Variants in ATP11C observed in about 807,000 individuals in gnomAD.
The protein encoded by ATP11C is ATPase phospholipid transporting 11C (ATP11C blood group).
A neutral mutation model predicts 97.4 loss-of-function variants in ATP11C; 36 were observed. That is an observed-to-expected ratio of 0.37 (90% confidence interval 0.28 to 0.49). The LOEUF (loss-of-function observed/expected upper bound fraction) is 0.49, where lower values mean the gene tolerates loss of function less well. Among genes scored for constraint, ATP11C ranks in the 20% least tolerant of loss-of-function variants. ATP11C has a pLI of 0.98. For missense variants in ATP11C, 730 were observed against 824.6 expected, an observed-to-expected ratio of 0.89 and a Z score of 1.40; for synonymous variants, 275 against 290.9, an observed-to-expected ratio of 0.95 and a Z score of 0.56.
At chrX:139,873,706 C>CAAAAAAA (rs58064711) in intron 1 of ATP11C, among the ~76,000 whole-genome samples, 1 of 17,304 alleles carries the variant, frequency 5.8e-5, no homozygotes, top group African/African-American at 1.6e-4. Flanking sequence ...GACTCCAACT[C>CAAAAAAA]AAAAAAAAAA....
At chrX:139,887,405 G>A (rs1569486026) in intron 1 of ATP11C, among the ~76,000 whole-genome samples, 1 of 111,492 alleles carries the variant, frequency 9.0e-6, no homozygotes, top group Non-Finnish European at 1.9e-5. Flanking sequence ...CAAGGTGGGA[G>A]GATCTCTTCA....
chrX:139,875,782 G>C (rs12013150), intron 1 of ATP11C, among the ~76,000 whole-genome samples: 5 of 111,599 alleles, frequency 4.5e-5, no homozygotes, highest in African/African-American at 1.6e-4. Flanking sequence ...AAAATTGTTA[G>C]AGGAACCTGC....
chrX:139,866,318 T>C (rs1603405634), intron 1 of ATP11C, among the ~76,000 whole-genome samples: 1 of 79,953 alleles, frequency 1.3e-5, no homozygotes, highest in African/African-American at 5.0e-5. Context: ...TACTCCAGCC[T>C]GGGTGACAGA....
intron 1 of ATP11C, among the ~76,000 whole-genome samples, chrX:139,890,297 G>A (rs140018910): frequency 0.016 from 1,785 of 111,032 alleles, 31 homozygotes; most frequent in African/African-American, 0.054. Flanking sequence ...TTGGGAGGCC[G>A]AGGCAGGAGG....
chrX:139,783,128 GCTTA>G (rs1272865283), intron 17 of ATP11C, 32 bp downstream of exon 17: 1 of 928,624 alleles, frequency 1.1e-6, no homozygotes, highest in Admixed American at 2.5e-5. Context: ...ACATTTCTCT[GCTTA>G]CTTATTGGTG....
At chrX:139,935,984 A>G (rs181350769), upstream of ATP11C, among the ~76,000 whole-genome samples, 2 of 108,695 alleles carry the variant, frequency 1.8e-5, no homozygotes, top group Non-Finnish European at 3.8e-5. Context: ...CAACAGAGCG[A>G]GACTCCGTCT....
intron 20 of ATP11C, among the ~76,000 whole-genome samples, chrX:139,765,299 G>A (rs1002907039): frequency 7.2e-5 from 8 of 111,840 alleles, no homozygotes; most frequent in African/African-American, 1.9e-4. Flanking sequence ...ATACAGGAAT[G>A]TGCTAAGAGC....
chrX:139,904,598 C>T (rs2084946675), intron 1 of ATP11C, among the ~76,000 whole-genome samples: 1 of 111,471 alleles, frequency 9.0e-6, no homozygotes, highest in African/African-American at 3.3e-5. Flanking sequence ...TAACTAGTCT[C>T]GTAATTCATT....
chrX:139,750,207 A>T, intron 23 of ATP11C, 55 bp from the exon 24 acceptor site: 2 of 1,077,271 alleles, frequency 1.9e-6, no homozygotes, highest in Non-Finnish European at 2.5e-6. Flanking sequence ...AATCATCTAC[A>T]AGATGATACT....
At chrX:139,896,592 C>T (rs867769422) in intron 1 of ATP11C, among the ~76,000 whole-genome samples, 1 of 94,068 alleles carries the variant, frequency 1.1e-5, no homozygotes, top group African/African-American at 4.1e-5. Flanking sequence ...CACACACACA[C>T]ACTTTTTTTC....
At chrX:139,853,190 C>T (rs190536359) in intron 1 of ATP11C, among the ~76,000 whole-genome samples, 1 of 111,526 alleles carries the variant, frequency 9.0e-6, no homozygotes, top group African/African-American at 3.3e-5. Flanking sequence ...GCTCCACTCC[C>T]GCCAGTCCCT....
At chrX:139,934,229 A>G (rs992212822), upstream of ATP11C, among the ~76,000 whole-genome samples, 2 of 111,687 alleles carry the variant, frequency 1.8e-5, no homozygotes, top group Non-Finnish European at 3.8e-5. Context: ...CTTCAAAAAC[A>G]TGTTACGAAG....
At chrX:139,884,610 A>G (rs2084611616) in intron 1 of ATP11C, among the ~76,000 whole-genome samples, 1 of 112,214 alleles carries the variant, frequency 8.9e-6, no homozygotes, top group African/African-American at 3.2e-5. Context: ...AGCGTGAGTC[A>G]CTGCACCCAG....
chrX:139,862,556 T>C (rs2084218558), intron 1 of ATP11C, among the ~76,000 whole-genome samples: 1 of 112,178 alleles, frequency 8.9e-6, no homozygotes, highest in Non-Finnish European at 1.9e-5. Context: ...GGAAGTCTTC[T>C]GTGTTGATTG....
chrX:139,926,719 C>T (rs1474362252), intron 1 of ATP11C, among the ~76,000 whole-genome samples: 2 of 112,421 alleles, frequency 1.8e-5, no homozygotes, highest in East Asian at 5.6e-4. Context: ...TAAGCATAAA[C>T]AAAAGGAACA....
chrX:139,757,678 G>T, intron 23 of ATP11C, 130 bp downstream of exon 23: 1 of 382,783 alleles, frequency 2.6e-6, no homozygotes, highest in Non-Finnish European at 4.4e-6. Flanking sequence ...ATAAACATTT[G>T]CTGTTGTCAA....
chrX:139,809,178 C>T (rs1195333184), intron 5 of ATP11C, among the ~76,000 whole-genome samples: 3 of 109,325 alleles, frequency 2.7e-5, no homozygotes, highest in Admixed American at 9.7e-5. Flanking sequence ...AAGTTATATA[C>T]TCAAAAGAAT....
In ATP11C at chrX:139,726,658, G is replaced by C. The variant is rs948050019; in HGVS notation, c.*2308C>G. ...ACTGTTGCTGGTGTATGTGTAAGTA[G>C]ATATGGAATGAATGTTTTCAGTTTA... On this transcript the variant is annotated 3_prime_UTR_variant, in exon 30 of 30. Coordinates refer to ENST00000682941, the MANE Select transcript of ATP11C (RefSeq NM_001353812.2). 1.8e-5 allele frequency: 2 copies of C among 112,577 alleles called. No homozygotes were observed. The highest frequency in any genetic ancestry group is 3.8e-5 in the Non-Finnish European group (2 of 53,225). 9.3% of individuals were successfully genotyped at this position (112,577 alleles called of 1,213,427 possible).
Position 139,789,445 on chromosome X carries a change from T to C in ATP11C, c.1250A>G (p.Asn417Ser), listed in dbSNP as rs1199299060. The C allele has an allele frequency of 2.5e-6, 3 of 1,202,184 alleles. No homozygotes were observed. The African/African-American group carries it at 5.3e-5, about 21-fold the overall frequency. ...FTDKTGTLTE[N>S]SMEFIECCID... ...GCAGCATTCAATGAATTCCATGCTGTTTTCAGTGAGTGTTCCAGTCTTATC... is the reference window on the plus strand; with the variant it reads ...GCAGCATTCAATGAATTCCATGCTGCTTTCAGTGAGTGTTCCAGTCTTATC... The change falls in exon 13 of 30, where the codon AAC becomes AGC. Residue 417 changes from asparagine (N) to serine (S), a missense_variant. By Grantham distance (46) the Asn-to-Ser change is conservative (BLOSUM62 1). Transcript: ENST00000682941.
Sources: gnomAD v4.1 joint callset for allele counts (sites outside exome capture counted in the v4.1 genomes callset) on GRCh38, gnomAD v4.1.1 for gene constraint, MANE v1.5 for transcripts, NCBI Gene and HGNC (gene_info 2026-07-23, HGNC 2026-07-21) for gene names.